Variants in CADPS2 observed in about 807,000 individuals in gnomAD.
The protein encoded by CADPS2 is calcium-dependent secretion activator 2.
In CADPS2, 93 loss-of-function variants were observed where a neutral mutation model predicts 172.5. The ratio of observed to expected loss-of-function variants is 0.54; its 90% confidence interval spans 0.46 to 0.64. The LOEUF (loss-of-function observed/expected upper bound fraction) is 0.64, where lower values mean the gene tolerates loss of function less well. Among genes scored for constraint, CADPS2 ranks in the 30% least tolerant of loss-of-function variants. The probability of loss-of-function intolerance (pLI) is 0.00; values close to 1 mark genes in which losing one functional copy is unlikely to be tolerated. For missense variants in CADPS2, 1,420 were observed against 1,565.9 expected, an observed-to-expected ratio of 0.91 and a Z score of 1.57; for synonymous variants, 546 against 555.2, an observed-to-expected ratio of 0.98 and a Z score of 0.23.
chr7:122,491,762 C>A (rs2058309201), intron 9 of CADPS2, among the ~76,000 whole-genome samples: 2 of 152,174 alleles, frequency 1.3e-5, no homozygotes, highest in South Asian at 4.1e-4. Flanking sequence ...TCTTTCACTT[C>A]ATGGTTTCTT....
chr7:122,818,072 C>T (rs1802053497), intron 1 of CADPS2, among the ~76,000 whole-genome samples: 2 of 151,274 alleles, frequency 1.3e-5, no homozygotes, highest in Non-Finnish European at 2.9e-5. Context: ...TATCTCTGCA[C>T]CCCAACCCCT....
chr7:122,734,614 T>C (rs933491220), intron 2 of CADPS2, among the ~76,000 whole-genome samples: 6 of 151,828 alleles, frequency 4.0e-5, no homozygotes, highest in African/African-American at 1.2e-4. Context: ...AAATAAAACA[T>C]AAAGATCATG....
chr7:122,686,891 G>A (rs2083704968), intron 2 of CADPS2, among the ~76,000 whole-genome samples: 1 of 152,090 alleles, frequency 6.6e-6, no homozygotes, highest in Admixed American at 6.6e-5. Flanking sequence ...TACCATGTTG[G>A]CCAGGCTGGT....
At chr7:122,676,547 G>C (rs946913397) in intron 2 of CADPS2, 2 of 602,452 alleles carry the variant, frequency 3.3e-6, no homozygotes, top group Non-Finnish European at 5.7e-6. Context: ...GCAGCAGTTG[G>C]AGAAGGATGC....
chr7:122,737,652 A>G (rs954024754), intron 1 of CADPS2, among the ~76,000 whole-genome samples: 3 of 152,220 alleles, frequency 2.0e-5, no homozygotes, highest in East Asian at 3.9e-4. Context: ...CCAAGTTTCT[A>G]TCTCAAATTT....
chr7:122,622,174 T>C (rs1275122570), intron 4 of CADPS2, among the ~76,000 whole-genome samples: 1 of 152,086 alleles, frequency 6.6e-6, no homozygotes, highest in Non-Finnish European at 1.5e-5. Flanking sequence ...CAGATATGCG[T>C]TGTTGGAAGA....
intron 17 of CADPS2, among the ~76,000 whole-genome samples, chr7:122,420,433 A>C (rs1232724226): frequency 2.0e-5 from 3 of 152,252 alleles, no homozygotes; most frequent in Non-Finnish European, 4.4e-5. Flanking sequence ...TGAACATAAT[A>C]GCCACTCTAA....
At chr7:122,680,814 A>G (rs934466789) in intron 2 of CADPS2, among the ~76,000 whole-genome samples, 3 of 152,180 alleles carry the variant, frequency 2.0e-5, no homozygotes, top group Admixed American at 2.0e-4. Flanking sequence ...ATGCTTCTAT[A>G]AAGACACAGG....
intron 1 of CADPS2, among the ~76,000 whole-genome samples, chr7:122,744,630 C>T (rs150467717): frequency 3.2e-3 from 492 of 152,122 alleles, no homozygotes; most frequent in Non-Finnish European, 5.2e-3. Flanking sequence ...GTTGACAGGA[C>T]GATTTAAAAG....
intron 3 of CADPS2, among the ~76,000 whole-genome samples, chr7:122,638,820 C>T (rs2077321840): frequency 6.6e-6 from 1 of 152,212 alleles, no homozygotes. Flanking sequence ...TCGATTTTCT[C>T]TGTTCTCCAT....
chr7:122,483,986 A>T (rs752113770), intron 11 of CADPS2, among the ~76,000 whole-genome samples: 1 of 152,184 alleles, frequency 6.6e-6, no homozygotes, highest in Non-Finnish European at 1.5e-5. Context: ...GATACATGGT[A>T]TTCACAGATT....
chr7:122,778,127 G>C (rs755725824), intron 1 of CADPS2, among the ~76,000 whole-genome samples: 2 of 152,126 alleles, frequency 1.3e-5, no homozygotes, highest in East Asian at 3.9e-4. Context: ...TAGTGATATG[G>C]ACAATAAAGT....
At chr7:122,410,443 CTTT>C (rs5887087) in intron 19 of CADPS2, among the ~76,000 whole-genome samples, 3 of 138,318 alleles carry the variant, frequency 2.2e-5, no homozygotes, top group African/African-American at 2.7e-5. Context: ...CTTGGAAAGC[CTTT>C]TTTTTTTTTT....
chr7:122,372,442 G>A (rs2041881297), intron 25 of CADPS2, among the ~76,000 whole-genome samples: 1 of 152,160 alleles, frequency 6.6e-6, no homozygotes, highest in Non-Finnish European at 1.5e-5. Context: ...TATATAGTAG[G>A]GAGGGACACA....
intron 2 of CADPS2, among the ~76,000 whole-genome samples, chr7:122,716,936 T>C (rs2089695498): frequency 6.6e-6 from 1 of 152,098 alleles, no homozygotes; most frequent in South Asian, 2.1e-4. Flanking sequence ...GAACATGACT[T>C]TTTCTACTAG....
chr7:122,781,380 T>C (rs1313383146), intron 1 of CADPS2, among the ~76,000 whole-genome samples: 2 of 152,170 alleles, frequency 1.3e-5, no homozygotes, highest in South Asian at 2.1e-4. Context: ...AAAGACTTAT[T>C]TGACAAACTC....
intron 6 of CADPS2, among the ~76,000 whole-genome samples, chr7:122,586,441 A>G (rs1329135791): frequency 6.6e-6 from 1 of 152,010 alleles, no homozygotes; most frequent in African/African-American, 2.4e-5. Context: ...ATATGAAATG[A>G]CAGTTTTAAT....
At chr7:122,568,739 A>G (rs536847755) in intron 7 of CADPS2, among the ~76,000 whole-genome samples, 15 of 152,306 alleles carry the variant, frequency 9.8e-5, no homozygotes, top group African/African-American at 3.6e-4. Context: ...TACAGCTTCT[A>G]GAAGAAAACA....
intron 1 of CADPS2, among the ~76,000 whole-genome samples, chr7:122,837,568 T>C (rs1460315373): frequency 6.6e-6 from 1 of 151,988 alleles, no homozygotes; most frequent in Non-Finnish European, 1.5e-5. Flanking sequence ...AAGAATCAAA[T>C]AGACGCAATA....
Sources: allele counts gnomAD v4.1 joint callset (sites outside exome capture counted in the v4.1 genomes callset), GRCh38; gene constraint gnomAD v4.1.1; transcripts MANE v1.5; gene names NCBI Gene and HGNC (gene_info 2026-07-23, HGNC 2026-07-21).